CYFIP2: variants seen among roughly 807,000 people sequenced by gnomAD.
CYFIP2 encodes cytoplasmic FMR1 interacting protein 2.
Under a neutral mutation model 158.7 loss-of-function variants are expected in CYFIP2, and 29 were observed. That is an observed-to-expected ratio of 0.18 (90% CI 0.14 to 0.25). The LOEUF (loss-of-function observed/expected upper bound fraction) is 0.25, where lower values mean the gene tolerates loss of function less well. Ranked by LOEUF, CYFIP2 falls within the 10% of genes least tolerant of loss-of-function variation. The pLI is 1.00. For missense variants in CYFIP2, 852 were observed against 1,639.5 expected, an observed-to-expected ratio of 0.52 and a Z score of 8.29; for synonymous variants, 585 against 617.6, an observed-to-expected ratio of 0.95 and a Z score of 0.78.
At chr5:157,296,472 A>T in intron 4 of CYFIP2, 1 of 569,030 alleles carries the variant, frequency 1.8e-6, no homozygotes, top group Non-Finnish European at 3.3e-6. Flanking sequence ...TGCATGCCTG[A>T]AGTCCCACCT....
Position 157,393,210 on chromosome 5 carries a change from A to T in CYFIP2, c.*210A>T. ...CTGGTTTCTCCATAGCATAAATGAA[A>T]AAAAAAAAAAAAAAGTAAACAGGGC... On this transcript the variant is annotated 3_prime_UTR_variant, in exon 31 of 31. Coordinates refer to ENST00000620254, the MANE Select transcript of CYFIP2 (RefSeq NM_001037333.3). The T allele has an allele frequency of 3.1e-6, 1 of 322,694 alleles. No individual in the cohort carries two copies. Among genetic ancestry groups the T allele is most frequent in the Non-Finnish European group, 5.5e-6 (1 of 181,262 alleles). 20.0% of individuals were successfully genotyped at this position (322,694 alleles called of 1,614,324 possible).
intron 13 of CYFIP2, among the ~76,000 whole-genome samples, chr5:157,318,223 A>T (rs1339478739): frequency 6.6e-6 from 1 of 152,056 alleles, no homozygotes; most frequent in East Asian, 1.9e-4. Context: ...TTTAATTTTG[A>T]TGAAGTCCAA....
intron 23 of CYFIP2, among the ~76,000 whole-genome samples, chr5:157,347,930 C>T (rs1176640610): frequency 2.0e-5 from 3 of 152,240 alleles, no homozygotes; most frequent in Non-Finnish European, 4.4e-5. Flanking sequence ...CTCCTCTGAG[C>T]TGTCGCCGCT....
intron 5 of CYFIP2, among the ~76,000 whole-genome samples, 169 bp downstream of exon 5, chr5:157,296,943 G>C (rs759173002): frequency 6.6e-6 from 1 of 152,218 alleles, no homozygotes; most frequent in Non-Finnish European, 1.5e-5. Context: ...CCCCACCCTC[G>C]TGGAATTTTC....
intron 26 of CYFIP2, among the ~76,000 whole-genome samples, chr5:157,371,956 C>A (rs899279951): frequency 1.3e-5 from 2 of 151,870 alleles, no homozygotes; most frequent in Non-Finnish European, 2.9e-5. Context: ...TAGCGTGACA[C>A]TTGGTACATG....
intron 23 of CYFIP2, chr5:157,342,284 C>T (rs1166802189): frequency 6.6e-6 from 1 of 152,448 alleles, no homozygotes; most frequent in Non-Finnish European, 1.5e-5. Flanking sequence ...AAAAATGAGT[C>T]AATTTAAAGG....
intron 29 of CYFIP2, chr5:157,389,640 T>A: frequency 3.8e-6 from 2 of 523,618 alleles, no homozygotes; most frequent in Middle Eastern, 5.1e-4. Flanking sequence ...TCACCCCCAC[T>A]ACACTGTACT....
intron 14 of CYFIP2, 29 bp from the exon 15 acceptor site, chr5:157,320,626 G>C: frequency 6.2e-7 from 1 of 1,613,466 alleles, no homozygotes; most frequent in Non-Finnish European, 8.5e-7. Flanking sequence ...GGTGAAACCT[G>C]GTCTAAGTCT....
At chr5:157,309,674 GGT>G in intron 9 of CYFIP2, 67 bp from the exon 10 acceptor site, 2 of 1,395,310 alleles carry the variant, frequency 1.4e-6, no homozygotes. Flanking sequence ...CCCACAGTGG[GGT>G]GGCAGCGAAG....
At chr5:157,313,871 TATATAA>T (rs1305413723) in intron 11 of CYFIP2, among the ~76,000 whole-genome samples, 1 of 152,214 alleles carries the variant, frequency 6.6e-6, no homozygotes, top group African/African-American at 2.4e-5. Flanking sequence ...TTAGCATTTT[TATATAA>T]ATATAGACTA....
At chr5:157,292,248 T>A (rs186260980) in intron 3 of CYFIP2, among the ~76,000 whole-genome samples, 1 of 152,244 alleles carries the variant, frequency 6.6e-6, no homozygotes. Flanking sequence ...AGATGGAGTT[T>A]TGCTCTTATT....
chr5:157,374,516 A>T (rs1765282490), intron 26 of CYFIP2, among the ~76,000 whole-genome samples: 2 of 152,182 alleles, frequency 1.3e-5, no homozygotes, highest in East Asian at 3.9e-4. Context: ...AGATGGTATC[A>T]TTGTCTCCCA....
intron 15 of CYFIP2, 73 bp from the exon 16 acceptor site, chr5:157,323,848 C>T: frequency 7.1e-7 from 1 of 1,400,206 alleles, no homozygotes; most frequent in South Asian, 1.6e-5. Context: ...TACATAAATA[C>T]AACATGAAGC....
At chr5:157,300,581 C>A in intron 5 of CYFIP2, 134 bp from the exon 6 acceptor site, 2 of 641,214 alleles carry the variant, frequency 3.1e-6, no homozygotes, top group Non-Finnish European at 2.3e-6. Context: ...GATTTAAGGA[C>A]TCCTCTGAGA....
At chr5:157,333,563 T>A (rs1386843591) in intron 21 of CYFIP2, 117 bp downstream of exon 21, 2 of 1,419,940 alleles carry the variant, frequency 1.4e-6, no homozygotes, top group African/African-American at 2.8e-5. Flanking sequence ...TGAGTCTCTT[T>A]CCCATCTGAA....
chr5:157,356,436 TAATTTGGAAGG>T (rs540787650), intron 23 of CYFIP2, among the ~76,000 whole-genome samples: 2 of 152,332 alleles, frequency 1.3e-5, no homozygotes, highest in South Asian at 4.1e-4. Context: ...TTCCAAATCC[TAATTTGGAAGG>T]GACGCATTCA....
chr5:157,360,275 T>C lies in CYFIP2; in HGVS notation c.2818-7T>C. 6.2e-7 allele frequency: 1 copy of C among 1,612,746 alleles called. No homozygotes were observed. The highest frequency in any genetic ancestry group is 8.5e-7 in the Non-Finnish European group (1 of 1,179,032). On this transcript the variant is annotated splice_region_variant and splice_polypyrimidine_tract_variant and intron_variant, in intron 24 of 30. Coordinates refer to ENST00000620254, the MANE Select transcript of CYFIP2 (RefSeq NM_001037333.3). ...CAGCCCACTCATCTGTACTCTTCTT[T>C]TGTCAGCTCCAAGGAACCATTCTCC...
intron 23 of CYFIP2, among the ~76,000 whole-genome samples, chr5:157,353,783 A>C (rs1344613180): frequency 6.6e-6 from 1 of 152,232 alleles, no homozygotes; most frequent in African/African-American, 2.4e-5. Context: ...AAATTGTAAC[A>C]AAAATAGGAA....
intron 1 of CYFIP2, among the ~76,000 whole-genome samples, chr5:157,279,555 G>C (rs543345893): frequency 2.0e-5 from 3 of 151,840 alleles, no homozygotes; most frequent in African/African-American, 4.9e-5. Flanking sequence ...GCCTGGGGGG[G>C]CACCTAAAGC....
Sources: allele counts gnomAD v4.1 joint callset (sites outside exome capture counted in the v4.1 genomes callset), GRCh38; gene constraint gnomAD v4.1.1; transcripts MANE v1.5; gene names NCBI Gene and HGNC (gene_info 2026-07-23, HGNC 2026-07-21).